PRKAG2: variants seen among roughly 807,000 people sequenced by gnomAD.
PRKAG2 encodes the protein 5'-AMP-activated protein kinase subunit gamma-2.
Under a neutral mutation model 69.6 loss-of-function variants are expected in PRKAG2, and 26 were observed. That is an observed-to-expected ratio of 0.37 (90% confidence interval 0.27 to 0.52). PRKAG2 has a LOEUF of 0.52. Among genes scored for constraint, PRKAG2 ranks in the 20% least tolerant of loss-of-function variants. The pLI, the probability that PRKAG2 is intolerant of heterozygous loss-of-function variation, is 0.90. For missense variants in PRKAG2, 557 were observed against 740.0 expected (o/e 0.75, Z 2.87); for synonymous variants, 293 against 285.0 (o/e 1.03, Z -0.28).
At chr7:151,557,517 G>A (rs1390601469) in intron 15 of PRKAG2, 2 of 984,288 alleles carry the variant, frequency 2.0e-6, no homozygotes, top group Non-Finnish European at 2.4e-6. Flanking sequence ...GAAATATGTA[G>A]GTATGTTTTA....
intron 1 of PRKAG2, among the ~76,000 whole-genome samples, chr7:151,869,597 C>T (rs2080164886): frequency 1.3e-5 from 2 of 152,226 alleles, no homozygotes; most frequent in South Asian, 4.1e-4. Context: ...ATGTGAGCTG[C>T]TCTGTGGGTG....
intron 14 of PRKAG2, among the ~76,000 whole-genome samples, chr7:151,562,763 C>G (rs532507424): frequency 6.6e-6 from 1 of 151,866 alleles, no homozygotes; most frequent in Non-Finnish European, 1.5e-5. Context: ...GTCAGGAGAT[C>G]GAGACCATCC....
intron 5 of PRKAG2, chr7:151,631,547 T>A: frequency 2.9e-6 from 1 of 340,966 alleles, no homozygotes; most frequent in African/African-American, 2.2e-5. Flanking sequence ...AATGACGGAG[T>A]GAGAGGGTCG....
intron 5 of PRKAG2, among the ~76,000 whole-genome samples, chr7:151,611,785 G>A (rs1256646497): frequency 6.6e-6 from 1 of 152,158 alleles, no homozygotes; most frequent in African/African-American, 2.4e-5. Context: ...CGGGCACGGT[G>A]GCCCATACCT....
intron 1 of PRKAG2, among the ~76,000 whole-genome samples, chr7:151,806,194 C>T (rs911723879): frequency 6.6e-6 from 1 of 152,232 alleles, no homozygotes; most frequent in Non-Finnish European, 1.5e-5. Flanking sequence ...GTCTCAACAA[C>T]TATGACAACA....
intron 6 of PRKAG2, among the ~76,000 whole-genome samples, chr7:151,589,337 C>G (rs563473808): frequency 2.0e-5 from 3 of 152,320 alleles, no homozygotes; most frequent in South Asian, 4.2e-4. Context: ...CCCCTCTCCT[C>G]CACGACACTG....
intron 3 of PRKAG2, chr7:151,735,843 G>A (rs1342673520): frequency 7.2e-6 from 11 of 1,533,132 alleles, no homozygotes; most frequent in South Asian, 1.2e-5. Context: ...CACACACGCC[G>A]TGGGGTTCCC....
At chr7:151,577,666 C>A (rs1413392444) in intron 6 of PRKAG2, among the ~76,000 whole-genome samples, 4 of 151,762 alleles carry the variant, frequency 2.6e-5, no homozygotes, top group East Asian at 1.9e-4. Context: ...ATTCCTGAAT[C>A]AACAATGTTC....
Position 151,632,411 on chromosome 7 carries a change from C to G in PRKAG2, c.685-273G>C. On this transcript the variant is annotated intron_variant, in intron 4 of 15. Transcript: ENST00000287878. This position sits in a 1 kb window ranked among gnomAD's most constrained non-coding sequence, Gnocchi z 4.2. The stretch of plus-strand genomic sequence containing the variant: ...CGCTCCCCCCCGCGCCTTGGTACGG[C>G]CCGCCCGGGAGGAAGCGTGGGAAGG... The G allele has an allele frequency of 3.9e-6, 2 of 517,470 alleles. No homozygotes were observed. Among genetic ancestry groups the G allele is most frequent in the Non-Finnish European group, 5.0e-6 (2 of 403,630 alleles). 32.1% of individuals were successfully genotyped at this position (517,470 alleles called of 1,614,324 possible).
intron 5 of PRKAG2, among the ~76,000 whole-genome samples, chr7:151,609,648 G>A (rs1818300516): frequency 1.3e-5 from 2 of 152,028 alleles, no homozygotes; most frequent in East Asian, 1.9e-4. Flanking sequence ...GGGAATAGAC[G>A]CCCCGAGAAG....
At chr7:151,677,797 C>A (rs1418473168) in intron 3 of PRKAG2, among the ~76,000 whole-genome samples, 1 of 152,198 alleles carries the variant, frequency 6.6e-6, no homozygotes, top group Non-Finnish European at 1.5e-5. Flanking sequence ...CTTACTTCCG[C>A]TTTCTGTGGT....
At chr7:151,848,512 CTTTTTTTTTTTTT>C (rs1158559692) in intron 1 of PRKAG2, among the ~76,000 whole-genome samples, 5 of 62,224 alleles carry the variant, frequency 8.0e-5, no homozygotes, top group East Asian at 1.3e-3. Flanking sequence ...TACTGCATGT[CTTTTTTTTTTTTT>C]TTTTTTTTTT....
chr7:151,781,209 T>G lies in PRKAG2; in HGVS notation c.409A>C (p.Asn137His), dbSNP rs1162521549. ...CCGGGCGAGGTAGCAGGGTTGGAGT[T>G]GGGGGAAGACTCTTTGGAGGAGGAG... Reference protein sequence around the residue: ...FRSSSKESSPNSNPATSPGGI... With the variant: ...FRSSSKESSPHSNPATSPGGI... Residue 137 changes from asparagine (N) to histidine (H), a missense_variant, in exon 3 of 16, where the codon AAC (asparagine) becomes CAC (histidine). Physicochemically the swap from Asn to His is moderately conservative, Grantham distance 68. Transcript: ENST00000287878. This position sits in a 1 kb window ranked among gnomAD's most constrained non-coding sequence, Gnocchi z 6.1. The G allele has an allele frequency of 6.2e-7, 1 of 1,613,850 alleles. No homozygotes were observed. Among genetic ancestry groups the G allele is most frequent in the Non-Finnish European group, 8.5e-7 (1 of 1,180,018 alleles).
At chr7:151,595,921 G>A (rs1334986688) in intron 5 of PRKAG2, among the ~76,000 whole-genome samples, 1 of 152,120 alleles carries the variant, frequency 6.6e-6, no homozygotes, top group Non-Finnish European at 1.5e-5. Flanking sequence ...TGTAATCCCA[G>A]AACTCTGGGA....
intron 1 of PRKAG2, among the ~76,000 whole-genome samples, chr7:151,840,988 A>C (rs1027561675): frequency 1.3e-5 from 2 of 152,134 alleles, no homozygotes; most frequent in African/African-American, 4.8e-5. Flanking sequence ...TGATTGGTTA[A>C]TTGATTAATT....
rs267606976 is a variant in PRKAG2 at position 151,564,203 on chromosome 7, A to G, written c.1459T>C (p.Tyr487His). ...DVINLAAEKT[Y>H]NNLDITVTQA... ...GTCACCGTGATATCTAGGTTATTGT[A>G]TGTTTTCTCAGCAGCAAGATTCTGT... is the stretch of plus-strand genomic sequence containing the variant. Residue 487 changes from tyrosine (Y) to histidine (H), a missense_variant, in exon 14 of 16, where the codon TAC (tyrosine) becomes CAC (histidine). This residue lies in a region of PRKAG2 where 205 missense variants were observed against 383.4 expected (regional missense o/e 0.53). Transcript: ENST00000287878. 6.2e-7 allele frequency: 1 copy of G among 1,614,150 alleles called. No individual in the cohort carries two copies. Among genetic ancestry groups the G allele is most frequent in the African/African-American group, 1.3e-5 (1 of 75,038 alleles).
At chr7:151,646,382 A>T (rs1443469815) in intron 4 of PRKAG2, among the ~76,000 whole-genome samples, 1 of 152,140 alleles carries the variant, frequency 6.6e-6, no homozygotes, top group East Asian at 1.9e-4. Context: ...TTCACCATGG[A>T]GGTCTTACAT....
chr7:151,623,906 G>A (rs1344808681), intron 5 of PRKAG2, among the ~76,000 whole-genome samples: 1 of 152,158 alleles, frequency 6.6e-6, no homozygotes, highest in Non-Finnish European at 1.5e-5. Context: ...CAATGCGCAT[G>A]TGTGTACTGG....
chr7:151,728,136 C>T (rs892904767), intron 3 of PRKAG2, among the ~76,000 whole-genome samples: 1 of 152,156 alleles, frequency 6.6e-6, no homozygotes, highest in African/African-American at 2.4e-5. Flanking sequence ...CCCCAACCAG[C>T]ACCACTGTCA....
Sources: allele counts gnomAD v4.1 joint callset (sites outside exome capture counted in the v4.1 genomes callset), GRCh38; gene constraint gnomAD v4.1.1; regional missense constraint gnomAD v4.1.1; non-coding constraint Gnocchi (gnomAD v3.1); transcripts MANE v1.5; gene names NCBI Gene and HGNC (gene_info 2026-07-23, HGNC 2026-07-21).